Variants in LYST observed in about 807,000 individuals in gnomAD.
LYST encodes the protein lysosomal trafficking regulator.
Under a neutral mutation model 413.6 loss-of-function variants are expected in LYST, and 192 were observed. That is an observed-to-expected ratio of 0.46 (90% CI 0.41 to 0.52). The LOEUF (loss-of-function observed/expected upper bound fraction) is 0.52, where lower values mean the gene tolerates loss of function less well. Among genes scored for constraint, LYST ranks in the 20% least tolerant of loss-of-function variants. The probability of loss-of-function intolerance (pLI) is 0.00; values close to 1 mark genes in which losing one functional copy is unlikely to be tolerated. For missense variants in LYST, 3,815 were observed against 4,499.9 expected (o/e 0.85, Z 4.35); for synonymous variants, 1,525 against 1,567.3 (o/e 0.97, Z 0.64).
At chr1:235,781,487 A>C (rs1261699071) in intron 15 of LYST, among the ~76,000 whole-genome samples, 1 of 152,024 alleles carries the variant, frequency 6.6e-6, no homozygotes, top group African/African-American at 2.4e-5. Context: ...TTAAGGACAT[A>C]TTTTTTAAAA....
chr1:235,828,816 G>T (rs2102989648), intron 3 of LYST: 1 of 788,422 alleles, frequency 1.3e-6, no homozygotes, highest in Non-Finnish European at 1.5e-6. Flanking sequence ...GATTTTTTCT[G>T]ATTTTAAATT....
Position 235,712,101 on chromosome 1 carries a change from A to G in LYST, c.9881T>C (p.Ile3294Thr). 1 of 1,557,608 alleles carries G rather than the reference A, an allele frequency of 6.4e-7. No individual in the cohort carries two copies. Among genetic ancestry groups the G allele is most frequent in the Non-Finnish European group, 8.7e-7 (1 of 1,147,060 alleles). ...FESMTDVKEL[I>T]PEFFYLPEFL... is the part of the protein sequence containing the mutation. ...CTCTGGAAGATAGAAAAACTCTGGG[A>G]TAAGTTCTTTCACATCAGTCATAGA... The change falls in exon 43 of 53, where the codon ATC becomes ACC. Residue 3294 changes from isoleucine (I) to threonine (T), a missense_variant. This residue lies in a region of LYST where 866 missense variants were observed against 1,156.0 expected (regional missense o/e 0.75). Transcript: ENST00000389793.
In LYST at chr1:235,804,618, G is replaced by C. The variant is rs866224076; in HGVS notation, c.3441C>G (p.Ser1147=). ...GTTGTGTTTCAATCACCTTTGACTG[G>C]GAAAGATGGTCCCTCATTTCAAATA... ...SILFEMRDHL[S]QSKVIETQLA... Residue 1147 remains serine (S), a synonymous_variant, in exon 7 of 53, where the codon TCC becomes TCG. Coordinates refer to ENST00000389793, the MANE Select transcript of LYST (RefSeq NM_000081.4). 1 of 1,610,444 alleles carries C rather than the reference G, an allele frequency of 6.2e-7. No individual in the cohort carries two copies.
At chr1:235,705,510 T>C (rs1461647223) in intron 44 of LYST, among the ~76,000 whole-genome samples, 2 of 151,848 alleles carry the variant, frequency 1.3e-5, no homozygotes, top group East Asian at 2.0e-4. Context: ...CTCAGCCTTT[T>C]GAGTAGCTAA....
chr1:235,693,482 C>T lies in LYST; in HGVS notation c.10569G>A (p.Val3523=). Residue 3523 remains valine (V), a synonymous_variant, in exon 47 of 53, where the codon GTG becomes GTA. Transcript: ENST00000389793. ...LLMTYSKEQG[V]RSMNSTDIQW... ...GAATGTCCGTACTGTTCATGCTTCT[C>T]ACACCTCAAGGAGAAGGAGAAAGAA... The T allele has an allele frequency of 6.2e-7, 1 of 1,614,100 alleles. No individual in the cohort carries two copies.
intron 43 of LYST, among the ~76,000 whole-genome samples, chr1:235,709,915 T>C (rs1264361699): frequency 7.1e-6 from 1 of 140,630 alleles, no homozygotes; most frequent in Non-Finnish European, 1.5e-5. Flanking sequence ...ACACAGGAAA[T>C]AAGAGGGTTC....
intron 8 of LYST, among the ~76,000 whole-genome samples, 159 bp downstream of exon 8, chr1:235,802,749 G>A (rs150936115): frequency 1.3e-5 from 2 of 152,138 alleles, no homozygotes; most frequent in Non-Finnish European, 2.9e-5. Context: ...TTGCATATAT[G>A]AATGCCAGAC....
At chr1:235,740,906 T>A (rs1665332137) in intron 31 of LYST, among the ~76,000 whole-genome samples, 3 of 152,230 alleles carry the variant, frequency 2.0e-5, no homozygotes, top group African/African-American at 4.8e-5. Flanking sequence ...TGGTTTAATG[T>A]ACCTTTTAAA....
chr1:235,733,525 T>A lies in LYST; in HGVS notation c.8779A>T (p.Ile2927Phe), dbSNP rs554841002. Residue 2927 changes from isoleucine (I) to phenylalanine (F), a missense_variant, in exon 34 of 53, where the codon ATT becomes TTT. Physicochemically the swap from Ile to Phe is conservative, Grantham distance 21 (BLOSUM62 0). Coordinates refer to ENST00000389793, the MANE Select transcript of LYST (RefSeq NM_000081.4). ...LSASRHWQEL[I>F]QQLTHDRAVW... ...TACCTATCATGTGTCAGCTGCTGAA[T>A]AAGTTCCTGCCAATGTCTGCTGGCA... 73 of 1,614,028 alleles carry A rather than the reference T, an allele frequency of 4.5e-5. No homozygotes were observed. In the South Asian group the frequency reaches 7.6e-4, roughly 17 times the overall value.
intron 10 of LYST, among the ~76,000 whole-genome samples, chr1:235,798,390 G>C (rs1248410738): frequency 6.6e-6 from 1 of 151,338 alleles, no homozygotes; most frequent in African/African-American, 2.4e-5. Flanking sequence ...AACTGGCAGG[G>C]AGGGGTGTAA....
rs749416238 is a variant in LYST at position 235,808,773 on chromosome 1, C to T, written c.2045G>A (p.Gly682Glu). 31 of 1,613,962 alleles carry T rather than the reference C, an allele frequency of 1.9e-5. No individual in the cohort carries two copies. Among genetic ancestry groups the T allele is most frequent in the South Asian group, 1.9e-4 (17 of 91,080 alleles). The change falls in exon 5 of 53, where the codon GGA (glycine) becomes GAA (glutamate). Residue 682 changes from glycine to glutamate, a missense_variant. Physicochemically the swap from Gly to Glu is moderately conservative, Grantham distance 98. Coordinates refer to ENST00000389793, the MANE Select transcript of LYST (RefSeq NM_000081.4). ...YRFQGILPSS[G>E]SEDLLWKWDA... is the part of the protein sequence containing the mutation. ...CCATTTCCACAACAAATCTTCAGATCCACTGCTGGGCAGGATCCCTTGAAA... is the reference window on the plus strand; with the variant it reads ...CCATTTCCACAACAAATCTTCAGATTCACTGCTGGGCAGGATCCCTTGAAA...
chr1:235,797,043 T>C (rs913969065), intron 10 of LYST, among the ~76,000 whole-genome samples: 2 of 152,192 alleles, frequency 1.3e-5, no homozygotes, highest in Non-Finnish European at 2.9e-5. Context: ...TATAAAATGG[T>C]ATAGCCATTT....
At chr1:235,818,872 A>G (rs993704620) in intron 3 of LYST, among the ~76,000 whole-genome samples, 1 of 152,222 alleles carries the variant, frequency 6.6e-6, no homozygotes, top group Non-Finnish European at 1.5e-5. Flanking sequence ...AGAGCTCTGC[A>G]TGACACAAGG....
intron 1 of LYST, among the ~76,000 whole-genome samples, chr1:235,874,239 G>T (rs12046978): frequency 6.6e-6 from 1 of 152,306 alleles, no homozygotes; most frequent in East Asian, 1.9e-4. Flanking sequence ...ATCCACTACA[G>T]TAGTAAGATT....
chr1:235,882,703 C>T (rs1178946285), intron 1 of LYST, among the ~76,000 whole-genome samples: 2 of 151,996 alleles, frequency 1.3e-5, no homozygotes, highest in Non-Finnish European at 2.9e-5. Flanking sequence ...ATAACAGAGG[C>T]TGAAGGGTTA....
rs183229578 is a variant in LYST at position 235,720,633 on chromosome 1, C to G, written c.9560+28G>C. Reference sequence around the variant, plus strand: ...AAATACAACATATGGATGGATGAACCCTAAAGGTGATGATTCTTTTAACTT... The same window carrying G: ...AAATACAACATATGGATGGATGAACGCTAAAGGTGATGATTCTTTTAACTT... On this transcript the variant is annotated intron_variant, in intron 40 of 52. Transcript: ENST00000389793. The G allele has an allele frequency of 1.9e-6, 3 of 1,609,998 alleles. No homozygotes were observed. The African/African-American group carries it at 4.0e-5, about 22-fold the overall frequency.
At chr1:235,827,790 G>C in intron 3 of LYST, 1 of 875,732 alleles carries the variant, frequency 1.1e-6, no homozygotes, top group South Asian at 5.2e-5. Flanking sequence ...AATAATTTTA[G>C]TCATTTAATA....
intron 17 of LYST, among the ~76,000 whole-genome samples, chr1:235,775,502 G>A (rs1317182526): frequency 6.6e-6 from 1 of 152,172 alleles, no homozygotes; most frequent in Non-Finnish European, 1.5e-5. Flanking sequence ...AAAACCACAT[G>A]TCCTGCCTTG....
intron 1 of LYST, among the ~76,000 whole-genome samples, chr1:235,866,512 C>G (rs1156564826): frequency 6.6e-6 from 1 of 152,260 alleles, no homozygotes; most frequent in Admixed American, 6.5e-5. Context: ...TGCTCGACCT[C>G]GCCCCCCGCG....
Sources: gnomAD v4.1 joint callset for allele counts (sites outside exome capture counted in the v4.1 genomes callset) on GRCh38, gnomAD v4.1.1 for gene constraint, gnomAD v4.1.1 regional missense constraint, MANE v1.5 for transcripts, NCBI Gene and HGNC (gene_info 2026-07-23, HGNC 2026-07-21) for gene names.